The following FAT3 variants were observed in gnomAD, a reference collection of about 807,000 sequenced individuals.
The protein encoded by FAT3 is FAT atypical cadherin 3, also known as protocadherin Fat 3.
In FAT3, 95 loss-of-function variants were observed where a neutral mutation model predicts 310.2. The ratio of observed to expected loss-of-function variants is 0.31; its 90% CI spans 0.26 to 0.36. FAT3 has a LOEUF of 0.36. Among genes scored for constraint, FAT3 ranks in the 10% least tolerant of loss-of-function variants. The pLI is 1.00. For synonymous variants in FAT3, 2,314 were observed against 2,192.9 expected (o/e 1.06, Z -1.54); for missense variants, 5,408 against 5,715.6 (o/e 0.95, Z 1.74).
intron 2 of FAT3, among the ~76,000 whole-genome samples, chr11:92,433,782 A>T (rs1205562451): frequency 2.6e-5 from 4 of 151,946 alleles, no homozygotes; most frequent in Admixed American, 2.6e-4. Context: ...AGGCCGAGGC[A>T]GGTGGATCAT....
At chr11:92,640,732 A>C (rs1037268770) in intron 3 of FAT3, among the ~76,000 whole-genome samples, 6 of 152,158 alleles carry the variant, frequency 3.9e-5, no homozygotes, top group Non-Finnish European at 8.8e-5. Context: ...TATTTAATGA[A>C]TCATTTTGAG....
At chr11:92,673,887 A>G (rs906353195) in intron 3 of FAT3, among the ~76,000 whole-genome samples, 1 of 152,068 alleles carries the variant, frequency 6.6e-6, no homozygotes, top group Non-Finnish European at 1.5e-5. Flanking sequence ...ATCAATAGAA[A>G]CACTTGTTTT....
At chr11:92,374,247 G>T (rs370076809) in intron 2 of FAT3, among the ~76,000 whole-genome samples, 1 of 152,136 alleles carries the variant, frequency 6.6e-6, no homozygotes, top group Non-Finnish European at 1.5e-5. Context: ...TCTTAATCCA[G>T]TCAAGTTAGC....
At chr11:92,816,172 A>C (rs775517230) in intron 13 of FAT3, among the ~76,000 whole-genome samples, 1 of 152,222 alleles carries the variant, frequency 6.6e-6, no homozygotes, top group African/African-American at 2.4e-5. Context: ...AGAGAGACAG[A>C]TAGATGGAAA....
In FAT3 at chr11:92,270,281, T is replaced by C. The variant is rs1393012106; in HGVS notation, c.-18+45107T>C. Among the ~76,000 whole-genome samples the C allele has an allele frequency of 2.0e-5, 3 of 152,094 alleles. No homozygotes were observed. The East Asian group carries it at 5.8e-4, about 29-fold the overall frequency. On this transcript the variant is annotated intron_variant, in intron 1 of 27. Coordinates refer to ENST00000525166, the MANE Select transcript of FAT3 (RefSeq NM_001367949.2). ...TCCTTTATTGATCCTCCTACCACCC[T>C]CTAAATATTGAGAATGTTTCAGAGC...
rs1339637444 is a variant in FAT3, at chr11:92,765,049, T to C, written c.4155T>C (p.Ser1385=). Residue 1385 remains serine (S), a synonymous_variant, in exon 6 of 28, where the codon TCT becomes TCC. Transcript: ENST00000525166. ...DRVTEIVGVV[S]VQPANTPLWF... is the part of the protein sequence containing the mutation. ...TGACTGAAATTGTAGGGGTGGTGTCTGTGCAGCCAGCTAACACCCCTCTGT... is the reference window on the plus strand; with the variant it reads ...TGACTGAAATTGTAGGGGTGGTGTCCGTGCAGCCAGCTAACACCCCTCTGT... The C allele has an allele frequency of 6.2e-7, 1 of 1,613,648 alleles. No individual in the cohort carries two copies. The highest frequency in any genetic ancestry group is 1.7e-5 in the Admixed American group (1 of 59,984).
intron 1 of FAT3, among the ~76,000 whole-genome samples, chr11:92,255,142 T>C (rs907623723): frequency 5.3e-5 from 8 of 152,282 alleles, no homozygotes; most frequent in African/African-American, 1.9e-4. Flanking sequence ...CTCTGACTAA[T>C]GTCCCTATGA....
At chr11:92,291,080 TACACACACACACAC>T (rs141883138) in intron 1 of FAT3, among the ~76,000 whole-genome samples, 8 of 142,796 alleles carry the variant, frequency 5.6e-5, no homozygotes, top group African/African-American at 1.6e-4. Context: ...CTTTTTATTC[TACACACACACACAC>T]ACACACACAC....
Position 92,476,550 on chromosome 11 carries a change from G to A in FAT3, c.3293-48084G>A, listed in dbSNP as rs1311900562. ...TGAGGCAATAACATGAGATGCTGCA[G>A]AAAGCAGAGAGCAAATGAATACAGC... On this transcript the variant is annotated intron_variant, in intron 2 of 27. Transcript: ENST00000525166. Among the ~76,000 whole-genome samples the A allele has an allele frequency of 3.9e-5, 6 of 152,302 alleles. No homozygotes were observed. In the East Asian group the frequency reaches 9.7e-4, roughly 25 times the overall value.
intron 3 of FAT3, among the ~76,000 whole-genome samples, chr11:92,638,907 T>G (rs1201569535): frequency 6.6e-6 from 1 of 152,202 alleles, no homozygotes; most frequent in Non-Finnish European, 1.5e-5. Context: ...GATTGATTAT[T>G]AACTTCTTGG....
chr11:92,870,600 A>G (rs1257506965), intron 22 of FAT3, among the ~76,000 whole-genome samples: 1 of 152,136 alleles, frequency 6.6e-6, no homozygotes, highest in African/African-American at 2.4e-5. Context: ...TCTGAATGTA[A>G]TATGTCAACA....
chr11:92,609,541 A>G (rs931989380), intron 3 of FAT3, among the ~76,000 whole-genome samples: 19 of 152,242 alleles, frequency 1.2e-4, no homozygotes, highest in Non-Finnish European at 2.8e-4. Flanking sequence ...CCAAAAGCTC[A>G]TTGTAGCTCA....
At chr11:92,616,906 A>T (rs1040725749) in intron 3 of FAT3, among the ~76,000 whole-genome samples, 1 of 152,144 alleles carries the variant, frequency 6.6e-6, no homozygotes, top group Non-Finnish European at 1.5e-5. Context: ...GGCTGCCCTT[A>T]ACATTTTTTC....
chr11:92,857,450 T>C, intron 20 of FAT3, 102 bp downstream of exon 20: 1 of 1,499,148 alleles, frequency 6.7e-7, no homozygotes, highest in Non-Finnish European at 9.1e-7. Flanking sequence ...AACGTTTCTT[T>C]ATGCATGCAA....
At chr11:92,628,867 C>T (rs553854593) in intron 3 of FAT3, among the ~76,000 whole-genome samples, 8 of 152,308 alleles carry the variant, frequency 5.3e-5, no homozygotes, top group Admixed American at 3.9e-4. Flanking sequence ...GGTGCATGCA[C>T]GTGTGTGCAC....
At chr11:92,519,579 G>A (rs1481484669) in intron 2 of FAT3, among the ~76,000 whole-genome samples, 3 of 151,986 alleles carry the variant, frequency 2.0e-5, no homozygotes, top group African/African-American at 7.2e-5. Flanking sequence ...TATTATAAGA[G>A]TGAAAAGCCA....
chr11:92,708,030 A>G (rs983758866), intron 4 of FAT3, among the ~76,000 whole-genome samples: 1 of 152,186 alleles, frequency 6.6e-6, no homozygotes, highest in Admixed American at 6.5e-5. Flanking sequence ...TTTTGTGGCA[A>G]ATTGGGAGCT....
chr11:92,380,727 A>G (rs1949475635), intron 2 of FAT3, among the ~76,000 whole-genome samples: 1 of 152,134 alleles, frequency 6.6e-6, no homozygotes, highest in African/African-American at 2.4e-5. Flanking sequence ...ATGGGATCAC[A>G]TTTCTATGAG....
chr11:92,593,750 T>C (rs1341197837), intron 3 of FAT3, among the ~76,000 whole-genome samples: 4 of 152,204 alleles, frequency 2.6e-5, no homozygotes, highest in African/African-American at 9.7e-5. Flanking sequence ...TATGAGCAGA[T>C]ACTATTTAAA....
Sources: allele counts gnomAD v4.1 joint callset (sites outside exome capture counted in the v4.1 genomes callset), GRCh38; gene constraint gnomAD v4.1.1; transcripts MANE v1.5; gene names NCBI Gene and HGNC (gene_info 2026-07-23, HGNC 2026-07-21).